FANCA: variants seen among roughly 807,000 people sequenced by gnomAD.
FANCA encodes Fanconi anemia group A protein.
In FANCA, 236 loss-of-function variants were observed where a neutral mutation model predicts 194.3. That is an observed-to-expected ratio of 1.21 (90% CI 1.09 to 1.35). FANCA has a LOEUF of 1.35. FANCA is among the 40% of genes most tolerant of loss of function. The pLI, the probability that FANCA is intolerant of heterozygous loss-of-function variation, is 0.00. For missense variants in FANCA, 2,628 were observed against 1,813.9 expected (o/e 1.45, Z -8.15); for synonymous variants, 1,014 against 715.8 (o/e 1.42, Z -6.65).
At chr16:89,780,543 G>A (rs1473123650) in intron 17 of FANCA, among the ~76,000 whole-genome samples, 1 of 151,648 alleles carries the variant, frequency 6.6e-6, no homozygotes, top group African/African-American at 2.4e-5. Context: ...AGGATTGCCT[G>A]TGCCCAGGAA....
intron 14 of FANCA, among the ~76,000 whole-genome samples, chr16:89,789,558 A>G (rs1363548748): frequency 1.3e-5 from 2 of 148,934 alleles, no homozygotes; most frequent in African/African-American, 5.0e-5. Flanking sequence ...ATCCTGCCTC[A>G]GCCGGTAAGT....
chr16:89,784,917 G>C lies in FANCA; in HGVS notation c.1407C>G (p.Ala469=), dbSNP rs1325894062. The change falls in exon 15 of 43, where the codon GCC becomes GCG. Residue 469 remains alanine (A), a synonymous_variant. Transcript: ENST00000389301. ...ACAAGAACGTAAACAGGAAGACCAG[G>C]GCCTTCTTGCTGCAGCCATGGTAGC... The part of the protein sequence containing the change: ...TRGYHGCSKK[A]LVFLFTFLSE... 2 of 1,614,036 alleles carry C rather than the reference G, an allele frequency of 1.2e-6. No homozygotes were observed. Among genetic ancestry groups the C allele is most frequent in the Non-Finnish European group, 1.7e-6 (2 of 1,180,026 alleles).
intron 33 of FANCA, 137 bp downstream of exon 33, chr16:89,748,522 G>C (rs368576056): frequency 4.6e-4 from 351 of 765,198 alleles, no homozygotes; most frequent in South Asian, 2.7e-3. Context: ...TGGCATTCCA[G>C]ACACTGTTCC....
intron 32 of FANCA, 95 bp downstream of exon 32, chr16:89,749,635 G>A (rs558758354): frequency 5.5e-6 from 8 of 1,461,330 alleles, no homozygotes; most frequent in South Asian, 4.9e-5. Flanking sequence ...AGTAAGTAAC[G>A]GGAAACAAAC....
At chr16:89,751,146 G>C (rs2038574712) in intron 31 of FANCA, among the ~76,000 whole-genome samples, 1 of 152,118 alleles carries the variant, frequency 6.6e-6, no homozygotes, top group South Asian at 2.1e-4. Context: ...AGCCACCTCA[G>C]CCTCCCAAAG....
chr16:89,813,372 C>G (rs1165426391), intron 3 of FANCA, among the ~76,000 whole-genome samples: 1 of 150,422 alleles, frequency 6.6e-6, no homozygotes, highest in Non-Finnish European at 1.5e-5. Flanking sequence ...TGCACCACGG[C>G]TCTCCAGTCC....
At chr16:89,766,246 C>T (rs1031234654) in intron 27 of FANCA, among the ~76,000 whole-genome samples, 17 of 151,836 alleles carry the variant, frequency 1.1e-4, no homozygotes, top group African/African-American at 3.6e-4. Context: ...CTGCCCGCCT[C>T]GGCCTCCCAA....
chr16:89,755,933 C>G (rs2038754110), intron 30 of FANCA, among the ~76,000 whole-genome samples: 1 of 151,778 alleles, frequency 6.6e-6, no homozygotes, highest in Non-Finnish European at 1.5e-5. Flanking sequence ...CAGAAACAGA[C>G]CAGAGCCCCC....
chr16:89,746,761 G>A, intron 34 of FANCA, 70 bp downstream of exon 34: 2 of 1,594,898 alleles, frequency 1.3e-6, no homozygotes, highest in Non-Finnish European at 1.7e-6. Context: ...GGAACTCACA[G>A]GAAGCTGACA....
At chr16:89,779,840 C>CT in intron 18 of FANCA, 29 bp downstream of exon 18, 1 of 1,598,402 alleles carries the variant, frequency 6.3e-7, no homozygotes, top group Non-Finnish European at 8.6e-7. Context: ...ACTGCAGCTG[C>CT]TAGAGGCCTT....
chr16:89,752,307 G>T, intron 30 of FANCA, 85 bp from the exon 31 acceptor site: 1 of 1,064,228 alleles, frequency 9.4e-7, no homozygotes, highest in Non-Finnish European at 1.5e-6. Context: ...CCGGAGCTGA[G>T]TGATGGCTGT....
chr16:89,802,860 G>A (rs965966878), intron 8 of FANCA, among the ~76,000 whole-genome samples: 1 of 152,192 alleles, frequency 6.6e-6, no homozygotes, highest in African/African-American at 2.4e-5. Flanking sequence ...TGTGGAGGTA[G>A]AGAGTAGAAC....
At chr16:89,765,221 C>T (rs1347022914) in intron 27 of FANCA, among the ~76,000 whole-genome samples, 155 bp from the exon 28 acceptor site, 2 of 152,144 alleles carry the variant, frequency 1.3e-5, no homozygotes, top group African/African-American at 4.8e-5. Flanking sequence ...GCGCAATACA[C>T]GACCCCACGT....
Position 89,748,647 on chromosome 16 carries a change from CG to C in FANCA, c.3348+11del. The stretch of plus-strand genomic sequence containing the variant: ...GACAGATCGGACGGACACGTGCACA[CG>C]GGGCACCTACCATCTCAGAGTTGAC... On this transcript the variant is annotated intron_variant, in intron 33 of 42. Coordinates refer to ENST00000389301, the MANE Select transcript of FANCA (RefSeq NM_000135.4). 6.2e-7 allele frequency: 1 copy of C among 1,605,088 alleles called. No homozygotes were observed. The highest frequency in any genetic ancestry group is 8.5e-7 in the Non-Finnish European group (1 of 1,171,998).
In FANCA at chr16:89,740,982, T is replaced by G. The variant is rs900938631; in HGVS notation, c.3766-116A>C. On this transcript the variant is annotated intron_variant, in intron 37 of 42. Coordinates refer to ENST00000389301, the MANE Select transcript of FANCA (RefSeq NM_000135.4). ...TTTTTACATCTAGGCCATAAATCCTTTAAGTGGATCTTAGAAAACTTTCCA... is the reference window on the plus strand; with the variant it reads ...TTTTTACATCTAGGCCATAAATCCTGTAAGTGGATCTTAGAAAACTTTCCA... 8.7e-6 allele frequency: 8 copies of G among 923,460 alleles called. No individual in the cohort carries two copies. In the African/African-American group the frequency reaches 1.3e-4, roughly 15 times the overall value. The allele number at this position is 923,460 out of a possible 1,614,324, so 57.2% of individuals were successfully genotyped here. A position where few individuals can be genotyped will look rare whatever the true frequency, so the allele number is the denominator to read the frequency against.
chr16:89,782,373 G>T (rs182306467), intron 17 of FANCA, among the ~76,000 whole-genome samples: 1 of 151,780 alleles, frequency 6.6e-6, no homozygotes, highest in Non-Finnish European at 1.5e-5. Context: ...TTAGCCAGGC[G>T]TGGTGGCGGC....
chr16:89,805,245 TTTACCCAAGAACCCGCATC>T lies in FANCA; in HGVS notation c.709+16_709+34del. ...GGCATTATCACAGATCAAAATGAGT[TTTACCCAAGAACCCGCATC>T]TTGTCATGAACGCACCAGAAAGCAT... On this transcript the variant is annotated intron_variant, in intron 7 of 42. Coordinates refer to ENST00000389301, the MANE Select transcript of FANCA (RefSeq NM_000135.4). The T allele has an allele frequency of 6.5e-7, 1 of 1,540,682 alleles. No homozygotes were observed. The highest frequency in any genetic ancestry group is 9.0e-7 in the Non-Finnish European group (1 of 1,115,638).
chr16:89,760,289 G>C (rs1274777437), intron 29 of FANCA, among the ~76,000 whole-genome samples: 1 of 152,234 alleles, frequency 6.6e-6, no homozygotes, highest in East Asian at 1.9e-4. Flanking sequence ...TGAACCATCA[G>C]CACGTGTTTT....
At chr16:89,759,826 C>T (rs1039218625) in intron 29 of FANCA, among the ~76,000 whole-genome samples, 1 of 152,210 alleles carries the variant, frequency 6.6e-6, no homozygotes. Flanking sequence ...GCAGAAAGAG[C>T]CACAACCAGG....
Sources: allele counts gnomAD v4.1 joint callset (sites outside exome capture counted in the v4.1 genomes callset), GRCh38; gene constraint gnomAD v4.1.1; transcripts MANE v1.5; gene names NCBI Gene and HGNC (gene_info 2026-07-23, HGNC 2026-07-21).